The following NCOR2 variants were observed in gnomAD, a reference collection of about 807,000 sequenced individuals.
NCOR2 encodes nuclear receptor corepressor 2, also known as CTG repeat protein 26.
A neutral mutation model predicts 262.9 loss-of-function variants in NCOR2; 81 were observed. The ratio of observed to expected loss-of-function variants is 0.31; its 90% CI spans 0.26 to 0.37. The LOEUF (loss-of-function observed/expected upper bound fraction) is 0.37, where lower values mean the gene tolerates loss of function less well. Among genes scored for constraint, NCOR2 ranks in the 10% least tolerant of loss-of-function variants. The pLI, the probability that NCOR2 is intolerant of heterozygous loss-of-function variation, is 1.00. For missense variants in NCOR2, 3,385 were observed against 3,621.4 expected (o/e 0.93, Z 1.68); for synonymous variants, 1,659 against 1,559.3 (o/e 1.06, Z -1.51).
In NCOR2 at chr12:124,472,934, C is replaced by T. The variant is rs1276652597; in HGVS notation, c.591+18G>A. The T allele has an allele frequency of 6.2e-7, 1 of 1,613,268 alleles. No homozygotes were observed. The highest frequency in any genetic ancestry group is 8.5e-7 in the Non-Finnish European group (1 of 1,179,342). ...GAGACTCAGAACAAACACTCCCCCTCCCCCTGCCCATTCACACCTGCTTCT... is the reference window on the plus strand; with the variant it reads ...GAGACTCAGAACAAACACTCCCCCTTCCCCTGCCCATTCACACCTGCTTCT... On this transcript the variant is annotated intron_variant, in intron 4 of 46. Transcript: ENST00000405201.
At chr12:124,486,612 G>C (rs766846082) in intron 1 of NCOR2, 44 bp from the exon 4 acceptor site, 1 of 1,530,526 alleles carries the variant, frequency 6.5e-7, no homozygotes, top group South Asian at 1.2e-5. Flanking sequence ...GCGGGCACGG[G>C]CATGGCGGGG....
intron 16 of NCOR2, among the ~76,000 whole-genome samples, chr12:124,396,817 C>T (rs1456968544): frequency 1.3e-5 from 2 of 152,168 alleles, no homozygotes; most frequent in African/African-American, 4.8e-5. Flanking sequence ...CGGGGCCGGG[C>T]CCAGGAGCCC....
exon 33 of NCOR2, chr12:124,343,225 G>A (rs756830608): frequency 3.7e-6 from 6 of 1,607,668 alleles, no homozygotes; most frequent in Non-Finnish European, 5.1e-6. Context: ...ACGAAAGGCT[G>A]CCTGTGGACG....
chr12:124,464,355 GA>G lies in NCOR2; in HGVS notation c.705+1817del, dbSNP rs534477122. ...GAGAGAACCGTGTCTGCTCTCCACC[GA>G]GGATCAGAGAGGGCAGGTAGAGGTG... is the stretch of plus-strand genomic sequence containing the variant. On this transcript the variant is annotated intron_variant, in intron 5 of 46. Coordinates refer to ENST00000405201, the Ensembl canonical transcript of NCOR2. Among the ~76,000 whole-genome samples, 86 of 152,264 alleles carry G rather than the reference GA, an allele frequency of 5.6e-4. 2 individuals are homozygous for G. In the South Asian group the frequency reaches 0.017, roughly 30 times the overall value.
chr12:124,470,169 A>G (rs1435959780), intron 4 of NCOR2, among the ~76,000 whole-genome samples: 240 of 139,232 alleles, frequency 1.7e-3, no homozygotes, highest in Non-Finnish European at 2.8e-3. Context: ...CCATCTCAGA[A>G]AAAAAAAAAA....
chr12:124,402,870 A>G (rs2042057557), intron 13 of NCOR2, among the ~76,000 whole-genome samples: 1 of 152,114 alleles, frequency 6.6e-6, no homozygotes, highest in Non-Finnish European at 1.5e-5. Flanking sequence ...GTGAGCTTGG[A>G]TGAGGGTCTT....
At chr12:124,410,514 T>C (rs1271489718) in intron 13 of NCOR2, among the ~76,000 whole-genome samples, 2 of 152,098 alleles carry the variant, frequency 1.3e-5, no homozygotes, top group East Asian at 3.9e-4. Flanking sequence ...CAGCTGGCCC[T>C]GACTGGAGAG....
chr12:124,357,683 G>C (rs2038059456), intron 22 of NCOR2, among the ~76,000 whole-genome samples: 1 of 152,282 alleles, frequency 6.6e-6, no homozygotes, highest in African/African-American at 2.4e-5. Context: ...CTGAATCCTT[G>C]CAACAGAGAT....
At chr12:124,354,002 G>T in intron 27 of NCOR2, 91 bp downstream of exon 29, 2 of 1,178,506 alleles carry the variant, frequency 1.7e-6, no homozygotes, top group Non-Finnish European at 2.4e-6. Context: ...ATCGGCTGAG[G>T]CTAATGGTTT....
At chr12:124,328,180 C>T (rs2034856076) in intron 44 of NCOR2, among the ~76,000 whole-genome samples, 1 of 104,258 alleles carries the variant, frequency 9.6e-6, no homozygotes, top group Non-Finnish European at 2.0e-5. Context: ...AGATGGTCCT[C>T]CCGCTGCCCC....
intron 22 of NCOR2, among the ~76,000 whole-genome samples, chr12:124,359,657 C>G (rs2038357013): frequency 6.6e-6 from 1 of 152,222 alleles, no homozygotes; most frequent in Non-Finnish European, 1.5e-5. Context: ...TTCCTCCAGC[C>G]CAGTTCCAGA....
At chr12:124,342,936 C>T (rs12315944) in intron 33 of NCOR2, 69 bp downstream of exon 35, 26 of 1,540,228 alleles carry the variant, frequency 1.7e-5, no homozygotes, top group East Asian at 9.2e-5. Flanking sequence ...AGTCCCTGAG[C>T]GAACACTGAT....
exon 38 of NCOR2, chr12:124,336,936 G>A: frequency 6.4e-7 from 1 of 1,557,608 alleles, no homozygotes; most frequent in Non-Finnish European, 8.7e-7. Flanking sequence ...AGGGGCCGGG[G>A]CTCCGAGCCC....
chr12:124,463,974 C>T (rs1418093312), intron 5 of NCOR2, among the ~76,000 whole-genome samples: 1 of 152,220 alleles, frequency 6.6e-6, no homozygotes, highest in East Asian at 1.9e-4. Context: ...GTTTTAGGTG[C>T]TGGAGATGCC....
At chr12:124,326,919 G>A (rs1256961142) in intron 45 of NCOR2, among the ~76,000 whole-genome samples, 4 of 152,176 alleles carry the variant, frequency 2.6e-5, no homozygotes, top group Non-Finnish European at 5.9e-5. Flanking sequence ...AAGGCTCCCT[G>A]ACTCCCAGGG....
At chr12:124,347,933 C>T (rs751057009) in intron 29 of NCOR2, 22 bp from the exon 32 acceptor site, 1 of 1,552,544 alleles carries the variant, frequency 6.4e-7, no homozygotes, top group Non-Finnish European at 8.7e-7. Context: ...AGGGTGAGGC[C>T]ATCATTCCGT....
intron 37 of NCOR2, among the ~76,000 whole-genome samples, chr12:124,339,733 C>T (rs1451205422): frequency 9.1e-6 from 1 of 109,452 alleles, no homozygotes; most frequent in African/African-American, 2.9e-5. Context: ...TCTATCTTTC[C>T]ACTGACCCAC....
rs768508380 is a variant in NCOR2 at position 124,355,461 on chromosome 12, G to C, written c.3352C>G (p.Leu1118Val). The change falls in exon 24 of 47, where the codon CTC (leucine) becomes GTC (valine). Residue 1118 changes from leucine to valine, a missense_variant. By Grantham distance (32) the Leu-to-Val change is conservative. Around this residue, in one of 5 missense-constraint regions of NCOR2, gnomAD observed 1,615 missense variants for 1,626.9 expected, o/e 0.99. Coordinates refer to ENST00000405201, the Ensembl canonical transcript of NCOR2. Reference sequence around the variant, plus strand: ...GAGATGGCACCTATTTGCCTCTCGAGGACGCTGGGGTGCTTGGCAGAGGAG... The same window carrying C: ...GAGATGGCACCTATTTGCCTCTCGACGACGCTGGGGTGCTTGGCAGAGGAG... 3.1e-6 allele frequency: 5 copies of C among 1,613,340 alleles called. No individual in the cohort carries two copies. The East Asian group carries it at 1.1e-4, about 36-fold the overall frequency.
intron 16 of NCOR2, among the ~76,000 whole-genome samples, chr12:124,394,040 G>A (rs1353982013): frequency 3.3e-5 from 5 of 152,258 alleles, no homozygotes; most frequent in Admixed American, 6.5e-5. Context: ...TCGCCGGGGC[G>A]AAGACAGAGG....
Sources: gnomAD v4.1 joint callset for allele counts (sites outside exome capture counted in the v4.1 genomes callset) on GRCh38, gnomAD v4.1.1 for gene constraint, gnomAD v4.1.1 regional missense constraint, MANE v1.5 for transcripts, NCBI Gene and HGNC (gene_info 2026-07-23, HGNC 2026-07-21) for gene names.